The following PSD3 variants were observed in gnomAD, a reference collection of about 807,000 sequenced individuals.
The protein encoded by PSD3 is pleckstrin and Sec7 domain containing 3.
Under a neutral mutation model 105.5 loss-of-function variants are expected in PSD3, and 49 were observed. The ratio of observed to expected loss-of-function variants is 0.46; its 90% CI spans 0.37 to 0.59. The LOEUF (loss-of-function observed/expected upper bound fraction) is 0.59, where lower values mean the gene tolerates loss of function less well. Among genes scored for constraint, PSD3 ranks in the 20% least tolerant of loss-of-function variants. The pLI is 0.00. For missense variants in PSD3, 1,561 were observed against 1,263.8 expected (o/e 1.24, Z -3.57); for synonymous variants, 557 against 457.8 (o/e 1.22, Z -2.77).
At chr8:18,992,841 T>C (rs147132133) in intron 1 of PSD3, among the ~76,000 whole-genome samples, 1 of 147,610 alleles carries the variant, frequency 6.8e-6, no homozygotes, top group Non-Finnish European at 1.5e-5. Flanking sequence ...CAAAATGACA[T>C]GAGACTCCAA....
At chr8:18,953,467 G>T (rs1216867489) in intron 1 of PSD3, among the ~76,000 whole-genome samples, 1 of 152,158 alleles carries the variant, frequency 6.6e-6, no homozygotes, top group Non-Finnish European at 1.5e-5. Context: ...TGGCTAAATA[G>T]GCCGGGTGTG....
intron 4 of PSD3, among the ~76,000 whole-genome samples, chr8:18,852,867 A>C (rs1815704805): frequency 6.6e-6 from 1 of 152,232 alleles, no homozygotes; most frequent in Non-Finnish European, 1.5e-5. Context: ...TTAGAGCAGA[A>C]GGAACTATGG....
intron 12 of PSD3, among the ~76,000 whole-genome samples, chr8:18,591,117 T>C (rs186435799): frequency 1.3e-5 from 2 of 152,260 alleles, no homozygotes; most frequent in African/African-American, 2.4e-5. Context: ...GAAGAGGTTG[T>C]AGTACCCCAG....
At chr8:18,819,286 T>C (rs1812490301) in intron 4 of PSD3, among the ~76,000 whole-genome samples, 2 of 152,004 alleles carry the variant, frequency 1.3e-5, no homozygotes, top group South Asian at 4.1e-4. Context: ...AGACAGAGTC[T>C]AAAGGAGAGG....
chr8:18,607,908 C>G (rs1055846418), intron 11 of PSD3, among the ~76,000 whole-genome samples: 12 of 151,906 alleles, frequency 7.9e-5, no homozygotes, highest in African/African-American at 2.9e-4. Flanking sequence ...AAGTGCCGAG[C>G]AAAAAGGGGA....
At chr8:18,784,171 G>A (rs1308864073) in intron 8 of PSD3, among the ~76,000 whole-genome samples, 1 of 152,034 alleles carries the variant, frequency 6.6e-6, no homozygotes, top group East Asian at 1.9e-4. Context: ...GTATCTGTTA[G>A]ATCTAGTTGG....
chr8:18,752,501 A>AATTATATATATATGTAATATATATAATT (rs375165572), intron 9 of PSD3, among the ~76,000 whole-genome samples: 10 of 88,652 alleles, frequency 1.1e-4, no homozygotes, highest in African/African-American at 5.9e-4. Context: ...TAATATATAT[A>AATTATATATATATGTAATATATATAATT]ATATATATAA....
chr8:18,850,151 A>G (rs1414577871), intron 4 of PSD3, among the ~76,000 whole-genome samples: 1 of 152,240 alleles, frequency 6.6e-6, no homozygotes, highest in African/African-American at 2.4e-5. Flanking sequence ...GAAAACCAGG[A>G]TGGATGAAAA....
intron 1 of PSD3, among the ~76,000 whole-genome samples, chr8:19,070,239 C>T (rs929224196): frequency 4.6e-5 from 7 of 151,862 alleles, no homozygotes; most frequent in East Asian, 1.9e-4. Context: ...TAATGTGATA[C>T]GCCTAGCAAG....
At chr8:18,705,411 G>C (rs1208407889) in intron 9 of PSD3, among the ~76,000 whole-genome samples, 1 of 151,654 alleles carries the variant, frequency 6.6e-6, no homozygotes, top group African/African-American at 2.4e-5. Flanking sequence ...TGTGCCTGTA[G>C]TCTTAGCTAC....
At chr8:18,967,839 A>G (rs1824378785) in intron 1 of PSD3, among the ~76,000 whole-genome samples, 1 of 152,252 alleles carries the variant, frequency 6.6e-6, no homozygotes, top group South Asian at 2.1e-4. Flanking sequence ...GACGGAAGAT[A>G]CAGGCTTCTC....
intron 9 of PSD3, among the ~76,000 whole-genome samples, chr8:18,719,599 G>C (rs1318623269): frequency 6.6e-6 from 1 of 152,098 alleles, no homozygotes; most frequent in Non-Finnish European, 1.5e-5. Flanking sequence ...TCGTTTAGCT[G>C]AGCCCCTTGT....
intron 11 of PSD3, among the ~76,000 whole-genome samples, chr8:18,616,388 G>A (rs963827725): frequency 6.6e-5 from 10 of 152,204 alleles, no homozygotes; most frequent in Non-Finnish European, 8.8e-5. Flanking sequence ...TTTTGTGGGG[G>A]AGATTTGCAT....
intron 15 of PSD3, among the ~76,000 whole-genome samples, chr8:18,555,108 G>C (rs991848706): frequency 6.6e-6 from 1 of 152,022 alleles, no homozygotes; most frequent in African/African-American, 2.4e-5. Flanking sequence ...GTCAAGCAGA[G>C]GAATGCCGTC....
At chr8:18,795,698 G>A (rs1220166755) in intron 8 of PSD3, among the ~76,000 whole-genome samples, 1 of 152,172 alleles carries the variant, frequency 6.6e-6, no homozygotes, top group African/African-American at 2.4e-5. Flanking sequence ...AGGACGGTAG[G>A]AACCTGACTA....
chr8:18,990,714 G>A (rs1825745027), intron 1 of PSD3, among the ~76,000 whole-genome samples: 1 of 152,118 alleles, frequency 6.6e-6, no homozygotes, highest in South Asian at 2.1e-4. Context: ...ATATTTTAAA[G>A]TAATTACACA....
chr8:18,775,836 G>C (rs548697890), intron 8 of PSD3, among the ~76,000 whole-genome samples: 3 of 152,032 alleles, frequency 2.0e-5, no homozygotes, highest in Non-Finnish European at 4.4e-5. Context: ...AGCTTGATGG[G>C]ACACCACATC....
At position 18,662,710 on chromosome 8, in the gene PSD3, T is replaced by C. The variant is rs114946376; in HGVS notation, c.2173-7025A>G. On this transcript the variant is annotated intron_variant, in intron 9 of 15. Coordinates refer to ENST00000327040, the MANE Select transcript of PSD3 (RefSeq NM_015310.4). ...TTACAATTCAGCTTGAGAAAGACCT[T>C]AGCTATCACCCAGCCAAACTCCCAA... Among the ~76,000 whole-genome samples the C allele has an allele frequency of 2.7e-3, 410 of 152,294 alleles. 3 individuals carry two copies. Among genetic ancestry groups the C allele is most frequent in the African/African-American group, 9.3e-3 (388 of 41,562 alleles).
intron 10 of PSD3, among the ~76,000 whole-genome samples, chr8:18,641,857 T>C (rs891532171): frequency 6.6e-6 from 1 of 151,186 alleles, no homozygotes; most frequent in Non-Finnish European, 1.5e-5. Context: ...CACATCACAT[T>C]ATACCACGAG....
Sources: allele counts gnomAD v4.1 joint callset (sites outside exome capture counted in the v4.1 genomes callset), GRCh38; gene constraint gnomAD v4.1.1; transcripts MANE v1.5; gene names NCBI Gene and HGNC (gene_info 2026-07-23, HGNC 2026-07-21).